Variants in ARIH1 observed in about 807,000 individuals in gnomAD.
ARIH1 encodes the protein ariadne RBR E3 ubiquitin protein ligase 1.
In ARIH1, 8 loss-of-function variants were observed where a neutral mutation model predicts 85.0. The ratio of observed to expected loss-of-function variants is 0.09; its 90% CI spans 0.06 to 0.17. The LOEUF (loss-of-function observed/expected upper bound fraction) is 0.17. Among genes scored for constraint, ARIH1 ranks in the 10% least tolerant of loss-of-function variants. The pLI, the probability that ARIH1 is intolerant of heterozygous loss-of-function variation, is 1.00. For missense variants in ARIH1, 311 were observed against 718.1 expected, an observed-to-expected ratio of 0.43 and a Z score of 6.48; for synonymous variants, 238 against 253.6, an observed-to-expected ratio of 0.94 and a Z score of 0.59.
In ARIH1 at chr15:72,510,395, C is replaced by A. The variant is rs570056513; in HGVS notation, c.376-7672C>A. ...AAACATTTTCTTTAAGTTTTACAGTCTGATTTACATTTGGGTCTGATCCAT... is the reference window on the plus strand; with the variant it reads ...AAACATTTTCTTTAAGTTTTACAGTATGATTTACATTTGGGTCTGATCCAT... On this transcript the variant is annotated intron_variant, in intron 1 of 13. Transcript: ENST00000379887. 5.3e-5 allele frequency among the ~76,000 whole-genome samples: 8 copies of A among 152,174 alleles called. No homozygotes were observed. The South Asian group carries it at 1.7e-3, about 32-fold the overall frequency.
At chr15:72,545,567 C>G (rs1160806065) in intron 3 of ARIH1, among the ~76,000 whole-genome samples, 5 of 152,238 alleles carry the variant, frequency 3.3e-5, no homozygotes, top group Non-Finnish European at 7.3e-5. Flanking sequence ...TGGCTCATGC[C>G]TATAATCCCA....
At chr15:72,519,389 G>A (rs1314924630) in intron 2 of ARIH1, among the ~76,000 whole-genome samples, 1 of 147,196 alleles carries the variant, frequency 6.8e-6, no homozygotes, top group Non-Finnish European at 1.5e-5. Flanking sequence ...AACACATACT[G>A]TATAAAGCTT....
In ARIH1 at chr15:72,594,934, T is replaced by C. The variant is rs2064357871; in HGVS notation, c.*11642T>C. Reference sequence around the variant, plus strand: ...TTTCTTAATCTTAGGGATAAAGATTTTAATGTTTCATCACTAAGTATAATG... The same window carrying C: ...TTTCTTAATCTTAGGGATAAAGATTCTAATGTTTCATCACTAAGTATAATG... On this transcript the variant is annotated 3_prime_UTR_variant, in exon 14 of 14. Transcript: ENST00000379887. 6.7e-6 allele frequency: 1 copy of C among 150,036 alleles called. No individual in the cohort carries two copies. Among genetic ancestry groups the C allele is most frequent in the Admixed American group, 6.7e-5 (1 of 14,888 alleles). The allele number at this position is 150,036 out of a possible 1,614,324, so 9.3% of individuals were successfully genotyped here. A position where few individuals can be genotyped will look rare whatever the true frequency, so the allele number is the denominator to read the frequency against.
At chr15:72,521,435 T>C (rs1453087559) in intron 2 of ARIH1, among the ~76,000 whole-genome samples, 2 of 152,196 alleles carry the variant, frequency 1.3e-5, no homozygotes, top group Non-Finnish European at 2.9e-5. Context: ...ATTTTTGGTT[T>C]TGGAAATTCT....
At chr15:72,576,530 A>C (rs1326867939) in intron 11 of ARIH1, among the ~76,000 whole-genome samples, 1 of 135,962 alleles carries the variant, frequency 7.4e-6, no homozygotes, top group Non-Finnish European at 1.6e-5. Flanking sequence ...AAAAAAAAAA[A>C]CCCTTTGATA....
At chr15:72,568,776 T>C (rs1175865891) in intron 9 of ARIH1, among the ~76,000 whole-genome samples, 4 of 152,294 alleles carry the variant, frequency 2.6e-5, no homozygotes, top group South Asian at 4.1e-4. Context: ...AAATTTCTTA[T>C]GTGGGTGATT....
At chr15:72,515,592 A>G (rs2063971480) in intron 1 of ARIH1, among the ~76,000 whole-genome samples, 4 of 152,192 alleles carry the variant, frequency 2.6e-5, no homozygotes, top group South Asian at 4.1e-4. Context: ...TTAGTAGACA[A>G]ATTGACCTAT....
chr15:72,549,057 A>G (rs777967445), intron 3 of ARIH1, among the ~76,000 whole-genome samples: 6 of 151,356 alleles, frequency 4.0e-5, no homozygotes, highest in African/African-American at 1.5e-4. Context: ...GTGCTAGGAA[A>G]TGTAGCTTCG....
At chr15:72,567,279 C>A in intron 9 of ARIH1, 102 bp downstream of exon 9, 7 of 800,382 alleles carry the variant, frequency 8.7e-6, no homozygotes, top group Non-Finnish European at 1.2e-5. Context: ...GGCTTTGTTT[C>A]ATCTTTTTCT....
In ARIH1 at chr15:72,561,486, C is replaced by T; in HGVS notation, c.741C>T (p.Arg247=). 1.3e-6 allele frequency: 2 copies of T among 1,592,600 alleles called. No homozygotes were observed. Among genetic ancestry groups the T allele is most frequent in the Non-Finnish European group, 1.7e-6 (2 of 1,164,162 alleles). The stretch of plus-strand genomic sequence containing the variant: ...CTATTTTTATTCTTGGTTTCAGGCG[C>T]CTGATCACAGATTCAAAAGTTAAAT... The part of the protein sequence containing the change: ...DILVDDNTVM[R]LITDSKVKLK... Residue 247 remains arginine, a synonymous_variant, in exon 6 of 14, where the codon CGC becomes CGT. Coordinates refer to ENST00000379887, the MANE Select transcript of ARIH1 (RefSeq NM_005744.5).
intron 11 of ARIH1, among the ~76,000 whole-genome samples, chr15:72,580,220 G>A (rs1338219502): frequency 6.6e-6 from 1 of 152,150 alleles, no homozygotes; most frequent in Non-Finnish European, 1.5e-5. Flanking sequence ...ATTTCACTTA[G>A]TGTAATGTCC....
At position 72,586,988 on chromosome 15, in the gene ARIH1, G is replaced by T; in HGVS notation, c.*3696G>T. ...GAGTTTTCTTAAAGAAGGTCCCAAA[G>T]TTGAAGATCGTTTGTCATTGATACT... is the stretch of plus-strand genomic sequence containing the variant. On this transcript the variant is annotated 3_prime_UTR_variant, in exon 14 of 14. Coordinates refer to ENST00000379887, the MANE Select transcript of ARIH1 (RefSeq NM_005744.5). 1 of 343,766 alleles carries T rather than the reference G, an allele frequency of 2.9e-6. No homozygotes were observed. The highest frequency in any genetic ancestry group is 2.4e-5 in the South Asian group (1 of 41,796). The allele number at this position is 343,766 out of a possible 1,614,324, so 21.3% of individuals were successfully genotyped here. A position where few individuals can be genotyped will look rare whatever the true frequency, so the allele number is the denominator to read the frequency against.
chr15:72,513,240 A>G (rs1372769185), intron 1 of ARIH1, among the ~76,000 whole-genome samples: 2 of 152,100 alleles, frequency 1.3e-5, no homozygotes, highest in Admixed American at 6.5e-5. Context: ...CTTTTGGATT[A>G]CTTGAAATTT....
intron 3 of ARIH1, among the ~76,000 whole-genome samples, chr15:72,551,006 T>C (rs2064150723): frequency 6.6e-6 from 1 of 152,202 alleles, no homozygotes; most frequent in South Asian, 2.1e-4. Flanking sequence ...CTTGTCTTTG[T>C]ATTTAAAAAA....
chr15:72,496,023 G>A (rs920695625), intron 1 of ARIH1, among the ~76,000 whole-genome samples: 35 of 151,888 alleles, frequency 2.3e-4, no homozygotes, highest in Admixed American at 1.8e-3. Context: ...CAATCCTTCC[G>A]CCTCAGCCTC....
rs941174569 is a variant in ARIH1 at position 72,592,268 on chromosome 15, G to A, written c.*8976G>A. ...AATGCTATCTCTGGGACACTGGATT[G>A]TGTGCTCTTTAAGATAAATTCCATA... On this transcript the variant is annotated 3_prime_UTR_variant, in exon 14 of 14. Transcript: ENST00000379887. 3.3e-5 allele frequency: 5 copies of A among 152,180 alleles called. No homozygotes were observed. Among genetic ancestry groups the A allele is most frequent in the South Asian group, 4.1e-4 (2 of 4,836 alleles). 9.4% of individuals were successfully genotyped at this position (152,180 alleles called of 1,614,324 possible). A position where few individuals can be genotyped will look rare whatever the true frequency, so the allele number is the denominator to read the frequency against.
intron 1 of ARIH1, among the ~76,000 whole-genome samples, chr15:72,497,724 C>T (rs1310065295): frequency 1.3e-5 from 2 of 152,058 alleles, no homozygotes; most frequent in Non-Finnish European, 2.9e-5. Context: ...CTATGTTTTC[C>T]TAAATAGGTT....
intron 2 of ARIH1, among the ~76,000 whole-genome samples, chr15:72,543,966 C>T (rs2064118548): frequency 6.6e-6 from 1 of 151,858 alleles, no homozygotes; most frequent in African/African-American, 2.4e-5. Flanking sequence ...TTACTGTTAT[C>T]TTAACCACCT....
At chr15:72,572,787 TCTTA>T (rs1280812636) in intron 11 of ARIH1, among the ~76,000 whole-genome samples, 2 of 152,212 alleles carry the variant, frequency 1.3e-5, no homozygotes, top group Non-Finnish European at 2.9e-5. Flanking sequence ...ATAGGCAATA[TCTTA>T]CTTACTTAAA....
Sources: allele counts gnomAD v4.1 joint callset (sites outside exome capture counted in the v4.1 genomes callset), GRCh38; gene constraint gnomAD v4.1.1; transcripts MANE v1.5; gene names NCBI Gene and HGNC (gene_info 2026-07-23, HGNC 2026-07-21).